The following OPCML variants were observed in gnomAD, a reference collection of about 807,000 sequenced individuals.
OPCML encodes opioid-binding protein/cell adhesion molecule.
In OPCML, 13 loss-of-function variants were observed where a neutral mutation model predicts 37.8. That is an observed-to-expected ratio of 0.34 (90% CI 0.22 to 0.55). The LOEUF is 0.55. OPCML is among the 20% of genes least tolerant of loss of function. The pLI is 0.91. For missense variants in OPCML, 341 were observed against 435.6 expected, an observed-to-expected ratio of 0.78 and a Z score of 1.93; for synonymous variants, 176 against 168.8, an observed-to-expected ratio of 1.04 and a Z score of -0.33.
chr11:132,952,180 C>T (rs1029869749), intron 1 of OPCML, among the ~76,000 whole-genome samples: 3 of 152,086 alleles, frequency 2.0e-5, no homozygotes, highest in Non-Finnish European at 4.4e-5. Flanking sequence ...AGTGGAGTGG[C>T]CGAGAAGACA....
chr11:133,106,593 C>T (rs1949162300), intron 1 of OPCML, among the ~76,000 whole-genome samples: 1 of 152,138 alleles, frequency 6.6e-6, no homozygotes, highest in Non-Finnish European at 1.5e-5. Flanking sequence ...ATCCAGATGG[C>T]AAATGGGATG....
intron 4 of OPCML, among the ~76,000 whole-genome samples, chr11:132,503,814 A>G (rs1276206349): frequency 1.3e-5 from 2 of 152,276 alleles, no homozygotes; most frequent in Admixed American, 1.3e-4. Flanking sequence ...AAAGAAAAAG[A>G]AGAAAAATCA....
At chr11:132,524,945 G>T (rs1489569510) in intron 4 of OPCML, among the ~76,000 whole-genome samples, 1 of 152,182 alleles carries the variant, frequency 6.6e-6, no homozygotes, top group Non-Finnish European at 1.5e-5. Context: ...AAACATCAAT[G>T]ATGGGAGTAT....
chr11:133,194,807 C>T lies in OPCML; in HGVS notation c.62-251797G>A, dbSNP rs181566961. On this transcript the variant is annotated intron_variant, in intron 1 of 7. Coordinates refer to ENST00000524381, the MANE Select transcript of OPCML (RefSeq NM_001012393.5). ...CCCACATTTTCCCTTCAGAACCTTG[C>T]TCCAGGGACACATACGTAATGCCCC... 2.4e-3 allele frequency among the ~76,000 whole-genome samples: 360 copies of T among 152,290 alleles called. 5 individuals are homozygous for T. The highest frequency in any genetic ancestry group is 2.9e-3 in the Non-Finnish European group (198 of 68,034).
chr11:132,737,140 T>C (rs1945286314), intron 2 of OPCML, among the ~76,000 whole-genome samples: 1 of 152,176 alleles, frequency 6.6e-6, no homozygotes, highest in South Asian at 2.1e-4. Context: ...GACTGCCTAG[T>C]CTCCAAATTC....
chr11:132,546,928 G>T (rs933779959), intron 3 of OPCML, among the ~76,000 whole-genome samples: 1 of 152,206 alleles, frequency 6.6e-6, no homozygotes, highest in East Asian at 1.9e-4. Flanking sequence ...AGCCTGTGTG[G>T]CCCTACCTTC....
At chr11:132,542,974 T>C (rs2096360537) in intron 3 of OPCML, among the ~76,000 whole-genome samples, 1 of 152,146 alleles carries the variant, frequency 6.6e-6, no homozygotes, top group Admixed American at 6.5e-5. Flanking sequence ...TGGGAACAGA[T>C]ACAGAAACTC....
At chr11:132,583,874 A>C (rs1412817743) in intron 3 of OPCML, among the ~76,000 whole-genome samples, 1 of 152,076 alleles carries the variant, frequency 6.6e-6, no homozygotes, top group African/African-American at 2.4e-5. Flanking sequence ...TCGGCCTCCC[A>C]AAGTGCTGGG....
At chr11:133,008,444 G>T in intron 1 of OPCML, 1 of 984,646 alleles carries the variant, frequency 1.0e-6, no homozygotes. Flanking sequence ...TTCTGATTGT[G>T]GTAGATGCCA....
At position 133,071,477 on chromosome 11, in the gene OPCML, T is replaced by G. The variant is rs138124914; in HGVS notation, c.62-128467A>C. ...TAGATGTATAAATGAGTCTTGAAGA[T>G]TTTTCTGATTCCAAAGTGCAAATTT... On this transcript the variant is annotated intron_variant, in intron 1 of 7. Coordinates refer to ENST00000524381, the MANE Select transcript of OPCML (RefSeq NM_001012393.5). Among the ~76,000 whole-genome samples, 461 of 152,272 alleles carry G rather than the reference T, an allele frequency of 3.0e-3. 1 individual carries two copies. The highest frequency in any genetic ancestry group is 0.01 in the African/African-American group (435 of 41,550).
chr11:132,647,529 T>C (rs1941215277), intron 3 of OPCML, among the ~76,000 whole-genome samples: 1 of 152,226 alleles, frequency 6.6e-6, no homozygotes, highest in Non-Finnish European at 1.5e-5. Context: ...GTATTTATAT[T>C]ATATACTGTA....
At chr11:132,988,878 G>A (rs985714535) in intron 1 of OPCML, among the ~76,000 whole-genome samples, 1 of 152,180 alleles carries the variant, frequency 6.6e-6, no homozygotes, top group Non-Finnish European at 1.5e-5. Flanking sequence ...TCAATGAGAA[G>A]TGCACAGCAA....
intron 3 of OPCML, among the ~76,000 whole-genome samples, chr11:132,532,215 T>C (rs2096327517): frequency 6.6e-6 from 1 of 152,140 alleles, no homozygotes; most frequent in Non-Finnish European, 1.5e-5. Flanking sequence ...TCGCGAAGAC[T>C]AACCAAGATG....
chr11:133,510,555 C>A (rs938277053), intron 1 of OPCML, among the ~76,000 whole-genome samples: 1 of 152,176 alleles, frequency 6.6e-6, no homozygotes, highest in African/African-American at 2.4e-5. Flanking sequence ...ACTTAAGGGA[C>A]TGATATAAAT....
chr11:132,435,999 C>A, intron 7 of OPCML, 87 bp downstream of exon 7: 1 of 1,408,900 alleles, frequency 7.1e-7, no homozygotes, highest in South Asian at 1.4e-5. Flanking sequence ...TGGACACAGG[C>A]CAAGCAGATT....
intron 2 of OPCML, among the ~76,000 whole-genome samples, chr11:132,930,560 T>C (rs567387507): frequency 1.1e-3 from 171 of 152,264 alleles, no homozygotes; most frequent in Middle Eastern, 3.4e-3. Flanking sequence ...ATTGCATTTC[T>C]ATAAACTAAC....
intron 2 of OPCML, among the ~76,000 whole-genome samples, chr11:132,893,076 T>A (rs1309320547): frequency 6.6e-6 from 1 of 152,310 alleles, no homozygotes; most frequent in East Asian, 1.9e-4. Flanking sequence ...CATTAACCCT[T>A]GTTTTTGAAA....
chr11:133,393,943 A>T (rs1945229985), intron 1 of OPCML, among the ~76,000 whole-genome samples: 1 of 152,208 alleles, frequency 6.6e-6, no homozygotes. Flanking sequence ...CTCCTATCCA[A>T]GTGGCCCAGG....
chr11:133,032,460 GA>G (rs1391111883), intron 1 of OPCML, among the ~76,000 whole-genome samples: 2 of 152,094 alleles, frequency 1.3e-5, no homozygotes, highest in African/African-American at 2.4e-5. Flanking sequence ...TCACCAGGGG[GA>G]AAAAAAGGCA....
Sources: gnomAD v4.1 joint callset for allele counts (sites outside exome capture counted in the v4.1 genomes callset) on GRCh38, gnomAD v4.1.1 for gene constraint, MANE v1.5 for transcripts, NCBI Gene and HGNC (gene_info 2026-07-23, HGNC 2026-07-21) for gene names.